Variants in POLN observed in about 807,000 individuals in gnomAD.
The protein encoded by POLN is DNA polymerase nu.
Under a neutral mutation model 113.5 loss-of-function variants are expected in POLN, and 108 were observed. That is an observed-to-expected ratio of 0.95 (90% confidence interval 0.81 to 1.12). The LOEUF is 1.12. Among genes scored for constraint, POLN ranks in the 50% most tolerant of loss-of-function variants. The probability of loss-of-function intolerance (pLI) is 0.00; values close to 1 mark genes in which losing one functional copy is unlikely to be tolerated. For missense variants in POLN, 1,097 were observed against 1,077.1 expected, an observed-to-expected ratio of 1.02 and a Z score of -0.26; for synonymous variants, 386 against 391.5, an observed-to-expected ratio of 0.99 and a Z score of 0.17.
intron 6 of POLN, among the ~76,000 whole-genome samples, chr4:2,197,213 T>A (rs1400144212): frequency 6.6e-6 from 1 of 152,126 alleles, no homozygotes; most frequent in African/African-American, 2.4e-5. Context: ...CAGCTCTGGG[T>A]GCTGCACAGA....
intron 23 of POLN, among the ~76,000 whole-genome samples, chr4:2,075,793 T>C (rs1730261304): frequency 6.6e-6 from 1 of 152,026 alleles, no homozygotes; most frequent in East Asian, 1.9e-4. Context: ...GAAGGGGCAA[T>C]AGGGAGACAG....
At chr4:2,155,318 C>T (rs555406153) in intron 16 of POLN, among the ~76,000 whole-genome samples, 8 of 152,272 alleles carry the variant, frequency 5.3e-5, no homozygotes, top group Admixed American at 2.6e-4. Flanking sequence ...TACCACTCTT[C>T]GCTAGATAAA....
chr4:2,218,710 T>A (rs1734181806), intron 3 of POLN, among the ~76,000 whole-genome samples: 1 of 152,228 alleles, frequency 6.6e-6, no homozygotes, highest in Non-Finnish European at 1.5e-5. Flanking sequence ...AGAGTGAATA[T>A]TTCTGCAGGG....
At chr4:2,187,310 C>A (rs969234545) in intron 7 of POLN, among the ~76,000 whole-genome samples, 2 of 152,138 alleles carry the variant, frequency 1.3e-5, no homozygotes, top group East Asian at 3.8e-4. Flanking sequence ...ATGGTTTGAT[C>A]TTGGCTCATT....
chr4:2,210,047 A>G lies in POLN; in HGVS notation c.214-1560T>C, dbSNP rs186036924. Among the ~76,000 whole-genome samples the G allele has an allele frequency of 4.1e-3, 611 of 150,106 alleles. 7 individuals carry two copies. Among genetic ancestry groups the G allele is most frequent in the African/African-American group, 0.014 (581 of 41,132 alleles). ...TATGGCTTTGAATAACTATATTAAC[A>G]TTACCTTTAAAATAATTTTGAAAGA... On this transcript the variant is annotated intron_variant, in intron 4 of 25. Transcript: ENST00000511885.
chr4:2,089,343 C>T (rs1023461837), intron 20 of POLN: 2 of 1,390,992 alleles, frequency 1.4e-6, no homozygotes, highest in Admixed American at 4.1e-5. Context: ...CTGGTGAAGA[C>T]TGACAGTGAT....
At chr4:2,222,971 C>G (rs576926350) in intron 3 of POLN, among the ~76,000 whole-genome samples, 2 of 152,278 alleles carry the variant, frequency 1.3e-5, no homozygotes, top group East Asian at 3.9e-4. Flanking sequence ...CTTTCTCAGA[C>G]CACTCCTGCC....
chr4:2,191,745 T>A (rs1023644259), intron 7 of POLN, among the ~76,000 whole-genome samples: 2 of 152,166 alleles, frequency 1.3e-5, no homozygotes, highest in African/African-American at 4.8e-5. Context: ...GTCATACAAT[T>A]GAAATATTTA....
At chr4:2,140,971 T>A (rs1731987321) in intron 16 of POLN, 1 of 152,314 alleles carries the variant, frequency 6.6e-6, no homozygotes, top group Non-Finnish European at 1.5e-5. Flanking sequence ...TCTGTGAAGC[T>A]GCATGAGGCG....
At chr4:2,091,467 CT>C (rs943167803) in intron 20 of POLN, among the ~76,000 whole-genome samples, 2 of 152,104 alleles carry the variant, frequency 1.3e-5, no homozygotes, top group African/African-American at 4.8e-5. Flanking sequence ...CTCCTCACTC[CT>C]TGGACACCCT....
intron 16 of POLN, among the ~76,000 whole-genome samples, chr4:2,143,622 G>A (rs979088249): frequency 3.3e-5 from 5 of 152,070 alleles, no homozygotes; most frequent in African/African-American, 4.8e-5. Context: ...ATATTTAAAG[G>A]AGAATTAACA....
intron 14 of POLN, 105 bp downstream of exon 14, chr4:2,159,050 C>G (rs1372190932): frequency 1.2e-6 from 1 of 864,780 alleles, no homozygotes; most frequent in Non-Finnish European, 1.9e-6. Flanking sequence ...CCTGAGAACA[C>G]TGGGAGGGCT....
rs755475210 is a variant in POLN, at chr4:2,080,964, G to C, written c.2381C>G (p.Thr794Arg). ...GAGACCACCACCCACTGACCTGGCC[G>C]TCAAGGTGTGGGAAGCAGCCACTGC... is the stretch of plus-strand genomic sequence containing the variant. The part of the protein sequence containing the change: ...FTAVAASHTL[T>R]ARLVAQIHDE... Residue 794 changes from threonine (T) to arginine (R), a missense_variant, in exon 23 of 26, where the codon ACG (threonine) becomes AGG (arginine). Thr to Arg is a moderately conservative substitution (Grantham distance 71). Coordinates refer to ENST00000511885, the MANE Select transcript of POLN (RefSeq NM_181808.4). 1.9e-6 allele frequency: 3 copies of C among 1,613,850 alleles called. No homozygotes were observed. The highest frequency in any genetic ancestry group is 3.3e-5 in the Admixed American group (2 of 60,016).
chr4:2,146,616 C>T (rs761285518), intron 16 of POLN, among the ~76,000 whole-genome samples: 4 of 152,044 alleles, frequency 2.6e-5, no homozygotes, highest in Non-Finnish European at 5.9e-5. Context: ...AAAGGGGTAT[C>T]TCACTGAGCT....
At position 2,159,143 on chromosome 4, in the gene POLN, A is replaced by T. The variant is rs759370129; in HGVS notation, c.1611+12T>A. 2.1e-5 allele frequency: 34 copies of T among 1,591,458 alleles called. No homozygotes were observed. Among genetic ancestry groups the T allele is most frequent in the Non-Finnish European group, 2.7e-5 (31 of 1,159,948 alleles). ...CACCTTTTACCTTTTACGTACAAAA[A>T]AATTAACTTACCTGCCTGTATTCCA... On this transcript the variant is annotated intron_variant, in intron 14 of 25. Coordinates refer to ENST00000511885, the MANE Select transcript of POLN (RefSeq NM_181808.4).
intron 13 of POLN, among the ~76,000 whole-genome samples, chr4:2,164,696 G>A (rs983815749): frequency 2.1e-5 from 3 of 145,676 alleles, no homozygotes; most frequent in East Asian, 2.0e-4. Context: ...CCAACTACTC[G>A]GGAGGCTGAG....
intron 7 of POLN, among the ~76,000 whole-genome samples, chr4:2,192,107 T>C (rs1345927146): frequency 9.1e-6 from 1 of 109,650 alleles, no homozygotes; most frequent in African/African-American, 4.6e-5. Flanking sequence ...AGAGCGAGAC[T>C]CCATCTCAAA....
In POLN at chr4:2,117,868, G is replaced by T. The variant is rs137921783; in HGVS notation, c.1982+10245C>A. ...CATGTAAGAGAGCAGTGAAGAATTT[G>T]CTTTCCTTGGGGAATGAGCGTATTT... On this transcript the variant is annotated intron_variant, in intron 19 of 25. Transcript: ENST00000511885. Among the ~76,000 whole-genome samples, 4 of 152,298 alleles carry T rather than the reference G, an allele frequency of 2.6e-5. No individual in the cohort carries two copies. The East Asian group carries it at 5.8e-4, about 22-fold the overall frequency.
At chr4:2,225,462 G>A (rs1199751796) in intron 3 of POLN, among the ~76,000 whole-genome samples, 1 of 151,852 alleles carries the variant, frequency 6.6e-6, no homozygotes, top group Non-Finnish European at 1.5e-5. Flanking sequence ...GGCTGTGGCA[G>A]GAGAATCCCT....
Sources: gnomAD v4.1 joint callset for allele counts (sites outside exome capture counted in the v4.1 genomes callset) on GRCh38, gnomAD v4.1.1 for gene constraint, MANE v1.5 for transcripts, NCBI Gene and HGNC (gene_info 2026-07-23, HGNC 2026-07-21) for gene names.